The following RECQL variants were observed in gnomAD, a reference collection of about 807,000 sequenced individuals.
RECQL encodes the protein ATP-dependent DNA helicase Q1.
Under a neutral mutation model 75.8 loss-of-function variants are expected in RECQL, and 73 were observed. The observed-to-expected ratio is 0.96, with a 90% CI of 0.80 to 1.17. The LOEUF is 1.17. RECQL is among the 50% of genes most tolerant of loss of function. The pLI, the probability that RECQL is intolerant of heterozygous loss-of-function variation, is 0.00. For synonymous variants in RECQL, 248 were observed against 254.4 expected, an observed-to-expected ratio of 0.97 and a Z score of 0.24; for missense variants, 699 against 772.1, an observed-to-expected ratio of 0.91 and a Z score of 1.12.
At chr12:21,473,836 C>A (rs1943030993) in intron 11 of RECQL, among the ~76,000 whole-genome samples, 194 bp from the exon 12 acceptor site, 1 of 152,072 alleles carries the variant, frequency 6.6e-6, no homozygotes, top group South Asian at 2.1e-4. Context: ...ATGGGTTTCA[C>A]TGGATCAAAA....
intron 6 of RECQL, among the ~76,000 whole-genome samples, chr12:21,481,285 TG>T (rs1354887920): frequency 2.6e-5 from 4 of 152,170 alleles, no homozygotes; most frequent in Non-Finnish European, 5.9e-5. Flanking sequence ...GCAGTTCTTT[TG>T]GGGGAATTTA....
intron 4 of RECQL, among the ~76,000 whole-genome samples, chr12:21,487,776 T>C (rs1452922899): frequency 6.6e-6 from 1 of 152,076 alleles, no homozygotes; most frequent in Non-Finnish European, 1.5e-5. Flanking sequence ...TTAATGCCAT[T>C]TTACAAAAAG....
Position 21,491,494 on chromosome 12 carries a change from CAAAAAA to C in RECQL, c.214+19_214+24del. ...AAAATATGAGAAGAAATAAAACTAG[CAAAAAA>C]AAAAAAAAAAAAGTTAACCTTCTTT... is the stretch of plus-strand genomic sequence containing the variant. On this transcript the variant is annotated intron_variant, in intron 3 of 14. Transcript: ENST00000444129. The C allele has an allele frequency of 7.6e-7, 1 of 1,322,914 alleles. No individual in the cohort carries two copies. The highest frequency in any genetic ancestry group is 1.5e-5 in the South Asian group (1 of 68,630). 81.9% of individuals were successfully genotyped at this position (1,322,914 alleles called of 1,614,324 possible).
rs543127122 is a variant in RECQL, at chr12:21,479,242, G to A, written c.701-1273C>T. On this transcript the variant is annotated intron_variant, in intron 6 of 14. Transcript: ENST00000444129. ...GACTCTGCTTCTCTGCCTGAACCCTGACTGACACTGTTATGTACAAGGCAG... is the reference window on the plus strand; with the variant it reads ...GACTCTGCTTCTCTGCCTGAACCCTAACTGACACTGTTATGTACAAGGCAG... Among the ~76,000 whole-genome samples, 161 of 152,180 alleles carry A rather than the reference G, an allele frequency of 1.1e-3. 1 individual carries two copies. The highest frequency in any genetic ancestry group is 3.4e-3 in the African/African-American group (142 of 41,514).
intron 1 of RECQL, 91 bp from the exon 2 acceptor site, chr12:21,499,706 C>A (rs76657596): frequency 6.0e-5 from 39 of 648,852 alleles, no homozygotes; most frequent in Non-Finnish European, 9.2e-5. Context: ...TTCCTAAGCA[C>A]GGAAAATGTT....
At chr12:21,498,365 G>C (rs1022030542) in intron 2 of RECQL, among the ~76,000 whole-genome samples, 1 of 152,124 alleles carries the variant, frequency 6.6e-6, no homozygotes, top group Admixed American at 6.5e-5. Flanking sequence ...AAATGGGAGT[G>C]GCTCTTCTAT....
chr12:21,480,427 A>G (rs1348194590), intron 6 of RECQL, among the ~76,000 whole-genome samples: 2 of 152,140 alleles, frequency 1.3e-5, no homozygotes, highest in African/African-American at 4.8e-5. Flanking sequence ...GAGTAGACAA[A>G]CTTGAGATTC....
intron 12 of RECQL, among the ~76,000 whole-genome samples, chr12:21,472,846 T>C (rs1189730373): frequency 2.0e-5 from 3 of 152,106 alleles, no homozygotes; most frequent in African/African-American, 7.2e-5. Context: ...GCACTAAATT[T>C]TCTTTTCAAT....
At chr12:21,494,944 G>A (rs1943477886) in intron 2 of RECQL, among the ~76,000 whole-genome samples, 1 of 152,330 alleles carries the variant, frequency 6.6e-6, no homozygotes, top group South Asian at 2.1e-4. Flanking sequence ...GAAAAATAAA[G>A]TAGATGTGGT....
Position 21,490,295 on chromosome 12 carries a change from TA to T in RECQL, c.297del (p.Ile100LeufsTer3), listed in dbSNP as rs1943385704. On this transcript the variant is annotated frameshift_variant, in exon 4 of 15. Coordinates refer to ENST00000444129, the MANE Select transcript of RECQL (RefSeq NM_002907.4). LOFTEE classifies it high-confidence loss of function. ...LEKFRPLQLE[T>X]INVTMAGKEV... Reference sequence around the variant, plus strand: ...TCCTTTCCAGCCATTGTTACGTTAATAGTTTCAAGCTGAAGTGGTCTGAACT... The same window carrying T: ...TCCTTTCCAGCCATTGTTACGTTAATGTTTCAAGCTGAAGTGGTCTGAACT... 6.2e-7 allele frequency: 1 copy of T among 1,612,818 alleles called. No homozygotes were observed. The highest frequency in any genetic ancestry group is 8.5e-7 in the Non-Finnish European group (1 of 1,179,078).
rs778241738 is a variant in RECQL at position 21,477,849 on chromosome 12, C to T, written c.821G>A (p.Cys274Tyr). 8.7e-6 allele frequency: 14 copies of T among 1,613,200 alleles called. No homozygotes were observed. Among genetic ancestry groups the T allele is most frequent in the South Asian group, 1.1e-5 (1 of 90,952 alleles). ...DAQKILCIEK[C>Y]FTFTASFNRP... ...ATTAAAAGAAGCTGTAAAAGTAAAA[C>T]ACTTTTCAATGCACAAAATTTTCTG... is the stretch of plus-strand genomic sequence containing the variant. Residue 274 changes from cysteine to tyrosine, a missense_variant, in exon 7 of 15, where the codon TGT (cysteine) becomes TAT (tyrosine). Transcript: ENST00000444129.
In RECQL at chr12:21,490,368, C is replaced by A; in HGVS notation, c.225G>T (p.Trp75Cys). Residue 75 changes from tryptophan to cysteine, a missense_variant, in exon 4 of 15, where the codon TGG becomes TGT. This residue lies in a region of RECQL where 669 missense variants were observed against 713.5 expected (regional missense o/e 0.94). Transcript: ENST00000444129. Reference protein sequence around the residue: ...PAAWNKEDFPWSGKVKDILQN... With the variant: ...PAAWNKEDFPCSGKVKDILQN... Reference sequence around the variant, plus strand: ...GCAGAATATCTTTAACTTTACCAGACCATGGAAAATCTAGGAAAAGAAAGT... The same window carrying A: ...GCAGAATATCTTTAACTTTACCAGAACATGGAAAATCTAGGAAAAGAAAGT... The A allele has an allele frequency of 6.2e-7, 1 of 1,605,940 alleles. No individual in the cohort carries two copies. Among genetic ancestry groups the A allele is most frequent in the Non-Finnish European group, 8.5e-7 (1 of 1,174,546 alleles).
At chr12:21,482,757 A>C (rs1943216346) in intron 6 of RECQL, among the ~76,000 whole-genome samples, 1 of 152,230 alleles carries the variant, frequency 6.6e-6, no homozygotes, top group Admixed American at 6.5e-5. Flanking sequence ...GAAAAGCTTC[A>C]GAAGGAAAAC....
intron 3 of RECQL, among the ~76,000 whole-genome samples, chr12:21,490,661 A>C (rs1248505882): frequency 6.6e-6 from 1 of 152,074 alleles, no homozygotes; most frequent in African/African-American, 2.4e-5. Flanking sequence ...GCCTGAGCTC[A>C]AGCGATGGCA....
Position 21,468,964 on chromosome 12 carries a change from C to T in RECQL, c.*1230G>A, listed in dbSNP as rs574792129. The T allele has an allele frequency of 2.5e-5, 11 of 441,500 alleles. No individual in the cohort carries two copies. Among genetic ancestry groups the T allele is most frequent in the Non-Finnish European group, 4.0e-5 (10 of 250,332 alleles). The allele number at this position is 441,500 out of a possible 1,614,324, so 27.3% of individuals were successfully genotyped here. A position where few individuals can be genotyped will look rare whatever the true frequency, so the allele number is the denominator to read the frequency against. On this transcript the variant is annotated 3_prime_UTR_variant, in exon 15 of 15. Coordinates refer to ENST00000444129, the MANE Select transcript of RECQL (RefSeq NM_002907.4). Reference sequence around the variant, plus strand: ...ATAGATATATCTTTCCAATACAACACTGACCGCTTAGATAAAAATCTTAAG... The same window carrying T: ...ATAGATATATCTTTCCAATACAACATTGACCGCTTAGATAAAAATCTTAAG...
Position 21,473,619 on chromosome 12 carries a change from T to C in RECQL, c.1379A>G (p.Gln460Arg), listed in dbSNP as rs1224263387. ...TGAGTTCCATACTTCATCAAAATGT[T>C]GAGCCATCAACACACGACGACATCT... ...ISKCRRVLMAQHFDEVWNSEA... is the reference protein window; with the variant it reads ...ISKCRRVLMARHFDEVWNSEA... The change falls in exon 12 of 15, where the codon CAA becomes CGA. Residue 460 changes from glutamine to arginine, a missense_variant. This residue lies in a region of RECQL where 669 missense variants were observed against 713.5 expected (regional missense o/e 0.94). Coordinates refer to ENST00000444129, the MANE Select transcript of RECQL (RefSeq NM_002907.4). The C allele has an allele frequency of 6.2e-7, 1 of 1,612,808 alleles. No homozygotes were observed. The highest frequency in any genetic ancestry group is 1.7e-5 in the Admixed American group (1 of 59,882).
chr12:21,480,399 A>G (rs1381433048), intron 6 of RECQL, among the ~76,000 whole-genome samples: 1 of 152,208 alleles, frequency 6.6e-6, no homozygotes, highest in African/African-American at 2.4e-5. Flanking sequence ...AACTGTATGT[A>G]AGACGTAGGT....
chr12:21,475,726 G>C lies in RECQL; in HGVS notation c.1048C>G (p.Pro350Ala), dbSNP rs1255643765. ...CTATGAACTGTGGTCTTATCTTCTGGCTCCAAATTGGCATGGTAAGCACCT... is the reference window on the plus strand; with the variant it reads ...CTATGAACTGTGGTCTTATCTTCTGCCTCCAAATTGGCATGGTAAGCACCT... ...HAGAYHANLE[P>A]EDKTTVHRKW... The change falls in exon 9 of 15, where the codon CCA becomes GCA. Residue 350 changes from proline (P) to alanine (A), a missense_variant. By Grantham distance (27) the Pro-to-Ala change is conservative. Coordinates refer to ENST00000444129, the MANE Select transcript of RECQL (RefSeq NM_002907.4). The C allele has an allele frequency of 4.3e-6, 7 of 1,613,370 alleles. No individual in the cohort carries two copies. The highest frequency in any genetic ancestry group is 5.9e-6 in the Non-Finnish European group (7 of 1,179,528).
At chr12:21,481,897 A>G (rs1004766664) in intron 6 of RECQL, among the ~76,000 whole-genome samples, 7 of 152,028 alleles carry the variant, frequency 4.6e-5, no homozygotes, top group Non-Finnish European at 7.4e-5. Context: ...ACTGAAGTGA[A>G]GTGGGAAGAG....
Sources: gnomAD v4.1 joint callset for allele counts (sites outside exome capture counted in the v4.1 genomes callset) on GRCh38, gnomAD v4.1.1 for gene constraint, gnomAD v4.1.1 regional missense constraint, MANE v1.5 for transcripts, NCBI Gene and HGNC (gene_info 2026-07-23, HGNC 2026-07-21) for gene names.